Variants in GRAP2 observed in about 807,000 individuals in gnomAD.
The protein encoded by GRAP2 is GRB2 related adaptor protein 2, also known as GRB2-related adapter protein 2.
GRAP2 carries 31 observed loss-of-function variants against 43.5 expected under a neutral mutation model. The ratio of observed to expected loss-of-function variants is 0.71; its 90% CI spans 0.54 to 0.96. The LOEUF (loss-of-function observed/expected upper bound fraction) is 0.96. GRAP2 is among the 40% of genes least tolerant of loss of function. GRAP2 has a pLI of 0.00. For missense variants in GRAP2, 371 were observed against 424.4 expected (o/e 0.87, Z 1.11); for synonymous variants, 156 against 164.8 (o/e 0.95, Z 0.41).
intron 1 of GRAP2, among the ~76,000 whole-genome samples, chr22:39,934,814 T>A (rs2066790551): frequency 6.6e-6 from 1 of 151,940 alleles, no homozygotes; most frequent in Non-Finnish European, 1.5e-5. Flanking sequence ...AAGGCTACAG[T>A]GACCCATGAT....
At chr22:39,895,573 G>GT in the GRAP2 span, among the ~76,000 whole-genome samples, 1 of 152,222 alleles carries the variant, frequency 6.6e-6, no homozygotes, top group South Asian at 2.1e-4. Context: ...AGTTTATGAA[G>GT]TTTTTTTATA....
intron 4 of GRAP2, chr22:39,964,480 G>A: frequency 9.7e-7 from 1 of 1,026,284 alleles, no homozygotes; most frequent in Non-Finnish European, 1.5e-6. Flanking sequence ...ACAAAAAGAG[G>A]AGCAGAAGAA....
intron 1 of GRAP2, among the ~76,000 whole-genome samples, chr22:39,925,003 A>G (rs563056555): frequency 6.6e-6 from 1 of 152,332 alleles, no homozygotes; most frequent in East Asian, 1.9e-4. Flanking sequence ...TAGAGTGAGT[A>G]AAGGCAGAGT....
intron 5 of GRAP2, 89 bp from the exon 6 acceptor site, chr22:39,967,952 CA>C (rs1450114107): frequency 4.7e-6 from 7 of 1,487,364 alleles, no homozygotes; most frequent in Non-Finnish European, 6.3e-6. Context: ...GCCAGATGAG[CA>C]GGGTCTGGGA....
At chr22:39,952,462 A>G (rs553926989) in intron 2 of GRAP2, among the ~76,000 whole-genome samples, 30 of 152,328 alleles carry the variant, frequency 2.0e-4, no homozygotes, top group Non-Finnish European at 3.2e-4. Flanking sequence ...CCATGAATTC[A>G]GAAGCGATGG....
chr22:39,946,953 T>G, intron 1 of GRAP2, 140 bp from the exon 2 acceptor site: 1 of 638,138 alleles, frequency 1.6e-6, no homozygotes, highest in East Asian at 2.7e-5. Flanking sequence ...GCCCTTGTTG[T>G]GTGCCTGAGC....
the GRAP2 span, among the ~76,000 whole-genome samples, chr22:39,895,068 C>T: frequency 6.6e-6 from 1 of 152,130 alleles, no homozygotes; most frequent in Non-Finnish European, 1.5e-5. Context: ...CTACAACTGT[C>T]ACAAAGGCTA....
chr22:39,949,219 G>A (rs1357608656), intron 2 of GRAP2, among the ~76,000 whole-genome samples: 1 of 152,034 alleles, frequency 6.6e-6, no homozygotes, highest in African/African-American at 2.4e-5. Flanking sequence ...TCCTAGGTCA[G>A]TCACAAGCTA....
In GRAP2 at chr22:39,955,820, T is replaced by C; in HGVS notation, c.80T>C (p.Ile27Thr). The C allele has an allele frequency of 6.6e-7, 1 of 1,516,598 alleles. No homozygotes were observed. Among genetic ancestry groups the C allele is most frequent in the Non-Finnish European group, 9.2e-7 (1 of 1,091,098 alleles). 93.9% of individuals were successfully genotyped at this position (1,516,598 alleles called of 1,614,324 possible). Reference protein sequence around the residue: ...LSFHTGDVLKILSNQEEWFKA... With the variant: ...LSFHTGDVLKTLSNQEEWFKA... The stretch of plus-strand genomic sequence containing the variant: ...TGTCTTTCCTTTTCTTCCATGTAGA[T>C]TTTAAGTAACCAAGAGGAGTGGTTT... Residue 27 changes from isoleucine to threonine, a missense_variant and splice_region_variant, in exon 3 of 8, where the codon ATT becomes ACT. By Grantham distance (89) the Ile-to-Thr change is moderately conservative. Coordinates refer to ENST00000344138, the MANE Select transcript of GRAP2 (RefSeq NM_004810.4).
rs759462680 is a variant in GRAP2 at position 39,901,328 on chromosome 22, A to G, written c.-17A>G. Reference sequence around the variant, plus strand: ...ATAAACTCAACCCCTTCTCTTCCAAAAGGTATGTCATTATACAACATCTGT... The same window carrying G: ...ATAAACTCAACCCCTTCTCTTCCAAGAGGTATGTCATTATACAACATCTGT... On this transcript the variant is annotated splice_region_variant and 5_prime_UTR_variant, in exon 1 of 8. Coordinates refer to ENST00000344138, the MANE Select transcript of GRAP2 (RefSeq NM_004810.4). 13 of 1,161,396 alleles carry G rather than the reference A, an allele frequency of 1.1e-5. No individual in the cohort carries two copies. In the South Asian group the frequency reaches 1.5e-4, roughly 14 times the overall value. 71.9% of individuals were successfully genotyped at this position (1,161,396 alleles called of 1,614,324 possible). A position where few individuals can be genotyped will look rare whatever the true frequency, so the allele number is the denominator to read the frequency against.
chr22:39,963,045 C>A (rs1379267611), intron 4 of GRAP2, among the ~76,000 whole-genome samples: 1 of 152,172 alleles, frequency 6.6e-6, no homozygotes, highest in African/African-American at 2.4e-5. Context: ...CCGAAGTCTT[C>A]CCCTGATATT....
rs182917901 is a variant in GRAP2, at chr22:39,957,608, A to G, written c.170+1698A>G. Among the ~76,000 whole-genome samples the G allele has an allele frequency of 3.3e-5, 5 of 152,166 alleles. No individual in the cohort carries two copies. The East Asian group carries it at 5.8e-4, about 18-fold the overall frequency. On this transcript the variant is annotated intron_variant, in intron 3 of 7. Transcript: ENST00000344138. ...AAACACACACGCTGCAATTTCTCCCAACTTACCAAAACACAAACAAACAAA... is the reference window on the plus strand; with the variant it reads ...AAACACACACGCTGCAATTTCTCCCGACTTACCAAAACACAAACAAACAAA...
At chr22:39,893,933 C>T in the GRAP2 span, 1 of 152,014 alleles carries the variant, frequency 6.6e-6, no homozygotes, top group African/African-American at 2.4e-5. Flanking sequence ...GTGACACTGC[C>T]CTAATCCTCC....
At chr22:39,939,476 A>G (rs1422891694) in intron 1 of GRAP2, among the ~76,000 whole-genome samples, 2 of 148,476 alleles carry the variant, frequency 1.3e-5, no homozygotes, top group Non-Finnish European at 3.0e-5. Flanking sequence ...GCAGGAGAAT[A>G]GCATGAACCC....
chr22:39,968,292 T>C lies in GRAP2; in HGVS notation c.690+20T>C. 1.2e-6 allele frequency: 2 copies of C among 1,612,500 alleles called. No individual in the cohort carries two copies. The highest frequency in any genetic ancestry group is 8.5e-7 in the Non-Finnish European group (1 of 1,178,982). On this transcript the variant is annotated intron_variant, in intron 6 of 7. Coordinates refer to ENST00000344138, the MANE Select transcript of GRAP2 (RefSeq NM_004810.4). ...CACCAGGTATCTGGAAAGAAGGCAG[T>C]GGGCACAGTACGGTGGAAAGGAGAA...
At chr22:39,940,597 C>T (rs545749527) in intron 1 of GRAP2, among the ~76,000 whole-genome samples, 1 of 152,074 alleles carries the variant, frequency 6.6e-6, no homozygotes, top group African/African-American at 2.4e-5. Flanking sequence ...GGCAGAAAGG[C>T]CCCAAACACA....
intron 1 of GRAP2, among the ~76,000 whole-genome samples, chr22:39,927,094 T>C (rs1006734326): frequency 1.3e-4 from 20 of 152,054 alleles, no homozygotes; most frequent in African/African-American, 4.8e-4. Context: ...TCTTCTTCTC[T>C]TTTTTTCATG....
At chr22:39,917,966 C>A (rs1366089043) in intron 1 of GRAP2, among the ~76,000 whole-genome samples, 1 of 152,166 alleles carries the variant, frequency 6.6e-6, no homozygotes, top group African/African-American at 2.4e-5. Flanking sequence ...CTGGGTCAAC[C>A]AAAACCAAAA....
chr22:39,909,467 A>G (rs551966571), intron 1 of GRAP2, among the ~76,000 whole-genome samples: 1 of 152,332 alleles, frequency 6.6e-6, no homozygotes, highest in Admixed American at 6.5e-5. Context: ...ATTAGGTGTT[A>G]TTATTATCAA....
Sources: gnomAD v4.1 joint callset for allele counts (sites outside exome capture counted in the v4.1 genomes callset) on GRCh38, gnomAD v4.1.1 for gene constraint, MANE v1.5 for transcripts, NCBI Gene and HGNC (gene_info 2026-07-23, HGNC 2026-07-21) for gene names.